Variants in LGALS3 observed in about 807,000 individuals in gnomAD.
The protein encoded by LGALS3 is galectin-3.
Under a neutral mutation model 20.7 loss-of-function variants are expected in LGALS3, and 18 were observed. The observed-to-expected ratio is 0.87, with a 90% CI of 0.60 to 1.29. LGALS3 has a LOEUF of 1.29. LGALS3 is among the 50% of genes most tolerant of loss of function. LGALS3 has a pLI of 0.00. For missense variants in LGALS3, 315 were observed against 314.7 expected, an observed-to-expected ratio of 1.00 and a Z score of -0.01; for synonymous variants, 112 against 119.6, an observed-to-expected ratio of 0.94 and a Z score of 0.42.
chr14:55,139,984 A>T (rs1881560337), intron 3 of LGALS3, among the ~76,000 whole-genome samples: 1 of 152,220 alleles, frequency 6.6e-6, no homozygotes. Context: ...GTTAATGTTG[A>T]TCACAAGATC....
At chr14:55,143,688 G>A (rs34217836) in intron 5 of LGALS3, 2,505 of 165,184 alleles carry the variant, frequency 0.015, 31 homozygotes, top group Non-Finnish European at 0.024. Flanking sequence ...CCAAAGTGCT[G>A]GGAGGATTAC....
At chr14:55,131,081 A>G (rs1325626393) in intron 1 of LGALS3, among the ~76,000 whole-genome samples, 1 of 152,172 alleles carries the variant, frequency 6.6e-6, no homozygotes. Flanking sequence ...AATTCATAAT[A>G]TTTAGAGGTG....
intron 1 of LGALS3, among the ~76,000 whole-genome samples, chr14:55,135,659 G>C (rs1308006501): frequency 1.4e-5 from 2 of 146,326 alleles, no homozygotes; most frequent in Non-Finnish European, 3.0e-5. Flanking sequence ...TGACCTCCTA[G>C]GCTCAAATGA....
Position 55,145,236 on chromosome 14 carries a change from A to G in LGALS3, c.718A>G (p.Ile240Val). 6.2e-7 allele frequency: 1 copy of G among 1,613,908 alleles called. No individual in the cohort carries two copies. Among genetic ancestry groups the G allele is most frequent in the Non-Finnish European group, 8.5e-7 (1 of 1,179,876 alleles). The change falls in exon 6 of 6, where the codon ATA becomes GTA. Residue 240 changes from isoleucine to valine, a missense_variant. Coordinates refer to ENST00000254301, the MANE Select transcript of LGALS3 (RefSeq NM_002306.4). ...CAGCAAACTGGGAATTTCTGGTGAC[A>G]TAGACCTCACCAGTGCTTCATATAC... ...EISKLGISGD[I>V]DLTSASYTMI
chr14:55,137,465 A>C (rs748095154), intron 2 of LGALS3, 74 bp downstream of exon 2: 2 of 1,613,870 alleles, frequency 1.2e-6, no homozygotes, highest in Admixed American at 1.7e-5. Context: ...TGTTTTTACC[A>C]TGACTTTCCC....
At chr14:55,137,943 G>C (rs969299433) in intron 2 of LGALS3, 102 bp from the exon 3 acceptor site, 2 of 1,410,052 alleles carry the variant, frequency 1.4e-6, no homozygotes, top group Non-Finnish European at 1.9e-6. Flanking sequence ...TAATGCCTTT[G>C]CCATATTCCT....
In LGALS3 at chr14:55,132,337, C is replaced by A. The variant is rs562230633; in HGVS notation, c.-5+3037C>A. The stretch of plus-strand genomic sequence containing the variant: ...TTTTCCCCTCTGACTGTTCAAAATT[C>A]TCTGATCCTGGAAACACCAGGGTGG... On this transcript the variant is annotated intron_variant, in intron 1 of 5. Coordinates refer to ENST00000254301, the MANE Select transcript of LGALS3 (RefSeq NM_002306.4). Among the ~76,000 whole-genome samples the A allele has an allele frequency of 2.0e-5, 3 of 150,292 alleles. No homozygotes were observed. In the South Asian group the frequency reaches 6.3e-4, roughly 31 times the overall value.
rs55757365 is a variant in LGALS3, at chr14:55,144,811, G to A, written c.598-305G>A. On this transcript the variant is annotated intron_variant, in intron 5 of 5. Coordinates refer to ENST00000254301, the MANE Select transcript of LGALS3 (RefSeq NM_002306.4). ...GATCTCCTGACCTTGTGATCCACCC[G>A]CCTCAGCCTCCCAAAGTGCTGGGAT... Among the ~76,000 whole-genome samples, 370 of 152,096 alleles carry A rather than the reference G, an allele frequency of 2.4e-3. 2 individuals carry two copies. Among genetic ancestry groups the A allele is most frequent in the Non-Finnish European group, 3.2e-3 (218 of 67,976 alleles).
chr14:55,145,216 A>C lies in LGALS3; in HGVS notation c.698A>C (p.Lys233Thr). Reference sequence around the variant, plus strand: ...GTTAAAAAACTCAATGAAATCAGCAAACTGGGAATTTCTGGTGACATAGAC... The same window carrying C: ...GTTAAAAAACTCAATGAAATCAGCACACTGGGAATTTCTGGTGACATAGAC... ...HRVKKLNEIS[K>T]LGISGDIDLT... Residue 233 changes from lysine to threonine, a missense_variant, in exon 6 of 6, where the codon AAA becomes ACA. Transcript: ENST00000254301. The C allele has an allele frequency of 1.2e-6, 2 of 1,614,056 alleles. No individual in the cohort carries two copies. Among genetic ancestry groups the C allele is most frequent in the Non-Finnish European group, 1.7e-6 (2 of 1,179,956 alleles).
rs1288895201 is a variant in LGALS3 at position 55,138,342 on chromosome 14, C to A, written c.316C>A (p.Pro106Thr). The stretch of plus-strand genomic sequence containing the variant: ...CACCGGAGCCTACCCTGCCACTGGC[C>A]CCTATGGCGCCCCTGCTGGGCCACT... ...SATGAYPATG[P>T]YGAPAGPLIV... Residue 106 changes from proline (P) to threonine (T), a missense_variant, in exon 3 of 6, where the codon CCC becomes ACC. Physicochemically the swap from Pro to Thr is conservative, Grantham distance 38. Coordinates refer to ENST00000254301, the MANE Select transcript of LGALS3 (RefSeq NM_002306.4). The A allele has an allele frequency of 6.2e-7, 1 of 1,612,756 alleles. No homozygotes were observed. The highest frequency in any genetic ancestry group is 1.3e-5 in the African/African-American group (1 of 74,926).
rs1243348173 is a variant in LGALS3, at chr14:55,136,715, A to G, written c.-4-655A>G. Among the ~76,000 whole-genome samples the G allele has an allele frequency of 3.9e-5, 6 of 152,340 alleles. No individual in the cohort carries two copies. In the East Asian group the frequency reaches 1.2e-3, roughly 29 times the overall value. ...CAAACGTACAATGAAATTATTGACT[A>G]TAGTCACCCTGCTGTGCTGTCAAAT... On this transcript the variant is annotated intron_variant, in intron 1 of 5. Transcript: ENST00000254301.
chr14:55,138,593 A>G, intron 3 of LGALS3: 1 of 657,204 alleles, frequency 1.5e-6, no homozygotes, highest in Non-Finnish European at 2.7e-6. Flanking sequence ...ATGAATATAA[A>G]TCAAGATTGT....
rs186712521 is a variant in LGALS3, at chr14:55,138,640, C to T, written c.342+272C>T. 1.8e-4 allele frequency among the ~76,000 whole-genome samples: 27 copies of T among 152,232 alleles called. No individual in the cohort carries two copies. In the East Asian group the frequency reaches 2.7e-3, roughly 15 times the overall value. On this transcript the variant is annotated intron_variant, in intron 3 of 5. Transcript: ENST00000254301. ...ACATTTTGGTTATTATTAACACTTA[C>T]GGAGTACATGTCAATAGTATGCATC...
At chr14:55,139,028 T>C (rs1881524291) in intron 3 of LGALS3, among the ~76,000 whole-genome samples, 2 of 152,276 alleles carry the variant, frequency 1.3e-5, no homozygotes, top group Admixed American at 1.3e-4. Flanking sequence ...AGTACCAGTA[T>C]GGGATTAGAC....
chr14:55,137,466 T>A (rs769661839), intron 2 of LGALS3, 75 bp downstream of exon 2: 1 of 1,613,976 alleles, frequency 6.2e-7, no homozygotes, highest in Non-Finnish European at 8.5e-7. Flanking sequence ...GTTTTTACCA[T>A]GACTTTCCCT....
chr14:55,137,518 C>T, intron 2 of LGALS3, 127 bp downstream of exon 2: 2 of 1,592,682 alleles, frequency 1.3e-6, no homozygotes, highest in Non-Finnish European at 1.7e-6. Flanking sequence ...ACTCATTTGT[C>T]CAATGAGGGC....
chr14:55,134,483 T>C (rs1036847721), intron 1 of LGALS3, among the ~76,000 whole-genome samples: 17 of 152,192 alleles, frequency 1.1e-4, no homozygotes, highest in African/African-American at 3.1e-4. Flanking sequence ...GAACTAAGCT[T>C]TCTGCCCACC....
chr14:55,139,326 A>C (rs77869590), intron 3 of LGALS3, among the ~76,000 whole-genome samples: 3,668 of 152,298 alleles, frequency 0.024, 64 homozygotes, highest in Non-Finnish European at 0.033. Context: ...CTTTAGCCCA[A>C]ACTGGGAACT....
chr14:55,137,612 C>A lies in LGALS3; in HGVS notation c.18+221C>A, dbSNP rs937920049. 11 of 1,449,050 alleles carry A rather than the reference C, an allele frequency of 7.6e-6. No individual in the cohort carries two copies. In the African/African-American group the frequency reaches 1.3e-4, roughly 17 times the overall value. 89.8% of individuals were successfully genotyped at this position (1,449,050 alleles called of 1,614,324 possible). On this transcript the variant is annotated intron_variant, in intron 2 of 5. Coordinates refer to ENST00000254301, the MANE Select transcript of LGALS3 (RefSeq NM_002306.4). ...GAGGCCTGGGACTCACTCACAGTAACCCTTTCACCAAAAGGCCCAGGGCGG... is the reference window on the plus strand; with the variant it reads ...GAGGCCTGGGACTCACTCACAGTAAACCTTTCACCAAAAGGCCCAGGGCGG...
Sources: gnomAD v4.1 joint callset for allele counts (sites outside exome capture counted in the v4.1 genomes callset) on GRCh38, gnomAD v4.1.1 for gene constraint, MANE v1.5 for transcripts, NCBI Gene and HGNC (gene_info 2026-07-23, HGNC 2026-07-21) for gene names.